The following NRXN3 variants were observed in gnomAD, a reference collection of about 807,000 sequenced individuals.
NRXN3 encodes the protein neurexin 3.
A neutral mutation model predicts 137.6 loss-of-function variants in NRXN3; 32 were observed. That is an observed-to-expected ratio of 0.23 (90% CI 0.18 to 0.31). The LOEUF (loss-of-function observed/expected upper bound fraction) is 0.31. NRXN3 is among the 10% of genes least tolerant of loss of function. The pLI, the probability that NRXN3 is intolerant of heterozygous loss-of-function variation, is 1.00. For synonymous variants in NRXN3, 798 were observed against 784.5 expected, an observed-to-expected ratio of 1.02 and a Z score of -0.29; for missense variants, 1,574 against 2,062.5, an observed-to-expected ratio of 0.76 and a Z score of 4.59.
At chr14:79,300,764 C>G (rs1349626321) in intron 15 of NRXN3, among the ~76,000 whole-genome samples, 2 of 151,998 alleles carry the variant, frequency 1.3e-5, no homozygotes, top group African/African-American at 4.8e-5. Flanking sequence ...GGTGACGTGT[C>G]TTAGTGGGAG....
At chr14:79,607,137 A>T (rs1398882617) in intron 16 of NRXN3, among the ~76,000 whole-genome samples, 1 of 152,238 alleles carries the variant, frequency 6.6e-6, no homozygotes, top group African/African-American at 2.4e-5. Flanking sequence ...TGGACTTTGC[A>T]GTCAAAAACA....
rs557886646 is a variant in NRXN3 at position 78,297,560 on chromosome 14, G to A, written c.728-271G>A. 2.0e-5 allele frequency among the ~76,000 whole-genome samples: 3 copies of A among 152,276 alleles called. No individual in the cohort carries two copies. The East Asian group carries it at 5.8e-4, about 29-fold the overall frequency. On this transcript the variant is annotated intron_variant, in intron 3 of 20. Transcript: ENST00000335750. The stretch of plus-strand genomic sequence containing the variant: ...GTAAAAGGAAAGTTCTCGTGATTAG[G>A]CCCAGAGCAGTTCTGCAAACACAAG...
intron 8 of NRXN3, among the ~76,000 whole-genome samples, chr14:78,735,222 A>C (rs1352688357): frequency 6.6e-6 from 1 of 152,246 alleles, no homozygotes; most frequent in African/African-American, 2.4e-5. Context: ...TATTCAAAAC[A>C]ATTCTTGTAA....
At chr14:78,778,805 T>G (rs1017926635) in intron 8 of NRXN3, among the ~76,000 whole-genome samples, 7 of 130,744 alleles carry the variant, frequency 5.4e-5, no homozygotes, top group Admixed American at 2.2e-4. Flanking sequence ...TCTTTCTTTC[T>G]TTCTTTCTTT....
At chr14:78,937,199 AAAAG>A in intron 10 of NRXN3, among the ~76,000 whole-genome samples, 1 of 151,854 alleles carries the variant, frequency 6.6e-6, no homozygotes, top group South Asian at 2.1e-4. Flanking sequence ...AAAAAAAAAA[AAAAG>A]AAACAAAGAA....
intron 15 of NRXN3, among the ~76,000 whole-genome samples, chr14:79,056,973 G>A (rs1046991362): frequency 6.6e-6 from 1 of 152,222 alleles, no homozygotes; most frequent in African/African-American, 2.4e-5. Context: ...CTCACAGCAT[G>A]TCCTTGATCT....
rs746873335 is a variant in NRXN3, at chr14:78,297,852, G to A, written c.749G>A (p.Ser250Asn). 3.9e-6 allele frequency: 6 copies of A among 1,536,128 alleles called. No individual in the cohort carries two copies. The South Asian group carries it at 5.9e-5, about 15-fold the overall frequency. ...TCAGGCCTCTCCCACCTCATGATGAGTGAACAAGGTAGGTGCTTTGTGCTT... is the reference window on the plus strand; with the variant it reads ...TCAGGCCTCTCCCACCTCATGATGAATGAACAAGGTAGGTGCTTTGTGCTT... ...QDPGLSHLMMSEQAREENVAT... is the reference protein window; with the variant it reads ...QDPGLSHLMMNEQAREENVAT... The change falls in exon 4 of 21, where the codon AGT becomes AAT. Residue 250 changes from serine to asparagine, a missense_variant. Physicochemically the swap from Ser to Asn is conservative, Grantham distance 46 (BLOSUM62 1). Around this residue, in one of 5 missense-constraint regions of NRXN3, gnomAD observed 400 missense variants for 527.3 expected, o/e 0.76. Coordinates refer to ENST00000335750, the MANE Select transcript of NRXN3 (RefSeq NM_001330195.2).
intron 15 of NRXN3, among the ~76,000 whole-genome samples, chr14:79,223,669 G>GA (rs892141866): frequency 1.1e-4 from 17 of 152,062 alleles, no homozygotes; most frequent in Non-Finnish European, 2.4e-4. Flanking sequence ...ATAAATACAG[G>GA]AAAGCTGGCT....
intron 15 of NRXN3, among the ~76,000 whole-genome samples, chr14:79,332,635 TTTC>T (rs1389690227): frequency 6.6e-6 from 1 of 152,170 alleles, no homozygotes; most frequent in Non-Finnish European, 1.5e-5. Flanking sequence ...GACTCAAACA[TTTC>T]TTCTTCTGGG....
intron 4 of NRXN3, among the ~76,000 whole-genome samples, chr14:78,407,654 T>A (rs2092570780): frequency 6.6e-6 from 1 of 152,182 alleles, no homozygotes; most frequent in Non-Finnish European, 1.5e-5. Flanking sequence ...GCTCTTCTCT[T>A]GTGTGTGTAA....
chr14:79,500,154 A>G (rs927971950), intron 16 of NRXN3, among the ~76,000 whole-genome samples: 1 of 150,412 alleles, frequency 6.6e-6, no homozygotes. Context: ...ATTTATCTTT[A>G]AGTCATGATA....
chr14:78,230,357 T>C (rs987963352), intron 1 of NRXN3, among the ~76,000 whole-genome samples: 6 of 151,896 alleles, frequency 4.0e-5, no homozygotes, highest in African/African-American at 1.5e-4. Context: ...TCTCTGGCAG[T>C]GACTTCCTCA....
At chr14:79,024,770 A>G (rs2099595378) in intron 15 of NRXN3, among the ~76,000 whole-genome samples, 1 of 152,176 alleles carries the variant, frequency 6.6e-6, no homozygotes, top group Non-Finnish European at 1.5e-5. Context: ...TCAAAATCCC[A>G]AAATATTATT....
At chr14:79,325,607 A>G (rs2153276802) in intron 15 of NRXN3, among the ~76,000 whole-genome samples, 1 of 152,308 alleles carries the variant, frequency 6.6e-6, no homozygotes, top group African/African-American at 2.4e-5. Context: ...TTGTTTTTAG[A>G]GGCACTCTGA....
Position 78,920,005 on chromosome 14 carries a change from A to T in NRXN3, c.2276-37237A>T, listed in dbSNP as rs528284662. ...TAGCATAGCATTCTACACTAAAAAGATGAAATAAAGAAGTTGAAATTTTCT... is the reference window on the plus strand; with the variant it reads ...TAGCATAGCATTCTACACTAAAAAGTTGAAATAAAGAAGTTGAAATTTTCT... On this transcript the variant is annotated intron_variant, in intron 10 of 20. Transcript: ENST00000335750. Among the ~76,000 whole-genome samples, 148 of 152,362 alleles carry T rather than the reference A, an allele frequency of 9.7e-4. 1 individual carries two copies. The highest frequency in any genetic ancestry group is 3.2e-3 in the African/African-American group (132 of 41,582).
intron 2 of NRXN3, among the ~76,000 whole-genome samples, chr14:78,248,292 A>ACCACCCC (rs2067993284): frequency 3.0e-4 from 2 of 6,694 alleles, no homozygotes; most frequent in African/African-American, 5.4e-4. Context: ...GTGACTAGCC[A>ACCACCCC]CCGCCCCCCG....
At chr14:78,660,435 T>G (rs2097829296) in intron 6 of NRXN3, among the ~76,000 whole-genome samples, 1 of 152,030 alleles carries the variant, frequency 6.6e-6, no homozygotes, top group African/African-American at 2.4e-5. Context: ...AATTAGAGAC[T>G]CCTATTCACC....
At chr14:78,334,054 A>G (rs1397606169) in intron 4 of NRXN3, among the ~76,000 whole-genome samples, 2 of 152,126 alleles carry the variant, frequency 1.3e-5, no homozygotes, top group African/African-American at 4.8e-5. Flanking sequence ...ACTCCAAGGT[A>G]TTTATCCTAA....
chr14:79,038,778 T>G (rs547451645), intron 15 of NRXN3, among the ~76,000 whole-genome samples: 2 of 152,290 alleles, frequency 1.3e-5, no homozygotes, highest in Admixed American at 1.3e-4. Context: ...AGTTTTCCAC[T>G]GATGCCGACT....
Sources: gnomAD v4.1 joint callset for allele counts (sites outside exome capture counted in the v4.1 genomes callset) on GRCh38, gnomAD v4.1.1 for gene constraint, gnomAD v4.1.1 regional missense constraint, MANE v1.5 for transcripts, NCBI Gene and HGNC (gene_info 2026-07-23, HGNC 2026-07-21) for gene names.